The following LY75 variants were observed in gnomAD, a reference collection of about 807,000 sequenced individuals.
LY75 encodes the protein C-type lectin domain family 13 member B.
In LY75, 185 loss-of-function variants were observed where a neutral mutation model predicts 231.7. That is an observed-to-expected ratio of 0.80 (90% CI 0.71 to 0.90). The LOEUF (loss-of-function observed/expected upper bound fraction) is 0.90, where lower values mean the gene tolerates loss of function less well. Ranked by LOEUF, LY75 falls within the 40% of genes least tolerant of loss-of-function variation. The probability of loss-of-function intolerance (pLI) is 0.00; values close to 1 mark genes in which losing one functional copy is unlikely to be tolerated. For missense variants in LY75, 1,947 were observed against 2,050.2 expected, an observed-to-expected ratio of 0.95 and a Z score of 0.97; for synonymous variants, 668 against 689.0, an observed-to-expected ratio of 0.97 and a Z score of 0.48.
Position 159,826,511 on chromosome 2 carries a change from C to T in LY75, c.3958+5159G>A, listed in dbSNP as rs538128734. Among the ~76,000 whole-genome samples, 6 of 152,188 alleles carry T rather than the reference C, an allele frequency of 3.9e-5. 1 individual carries two copies. The South Asian group carries it at 8.3e-4, about 21-fold the overall frequency. Reference sequence around the variant, plus strand: ...GCTCATGGATAGGTAGAATCAATATCGTGAAAATGGCCATACTGCCCAAAG... The same window carrying T: ...GCTCATGGATAGGTAGAATCAATATTGTGAAAATGGCCATACTGCCCAAAG... On this transcript the variant is annotated intron_variant, in intron 28 of 34. Transcript: ENST00000263636.
chr2:159,855,001 T>C, intron 16 of LY75, 62 bp from the exon 17 acceptor site: 1 of 1,601,898 alleles, frequency 6.2e-7, no homozygotes, highest in African/African-American at 1.3e-5. Context: ...ATACTATAAG[T>C]ACGGCCTTTA....
rs760592336 is a variant in LY75, at chr2:159,875,604, G to C, written c.1814C>G (p.Ser605Cys). ...GTCCTTCACCTCCCACTTTCCAACA[G>C]ACTTTCCAGTAGACATAGCCACGCA... ...GGCVAMSTGKSVGKWEVKDCR... is the reference protein window; with the variant it reads ...GGCVAMSTGKCVGKWEVKDCR... Residue 605 changes from serine to cysteine, a missense_variant, in exon 12 of 35, where the codon TCT becomes TGT. Physicochemically the swap from Ser to Cys is moderately radical, Grantham distance 112. Coordinates refer to ENST00000263636, the MANE Select transcript of LY75 (RefSeq NM_002349.4). The C allele has an allele frequency of 4.3e-6, 7 of 1,613,962 alleles. No individual in the cohort carries two copies. Among genetic ancestry groups the C allele is most frequent in the Non-Finnish European group, 5.9e-6 (7 of 1,180,000 alleles).
intron 1 of LY75, among the ~76,000 whole-genome samples, chr2:159,899,490 AT>A (rs1686008309): frequency 6.6e-6 from 1 of 152,216 alleles, no homozygotes; most frequent in African/African-American, 2.4e-5. Flanking sequence ...TTTCATCTCA[AT>A]GAAAAGTCTA....
intron 16 of LY75, among the ~76,000 whole-genome samples, chr2:159,856,975 T>C (rs1452538246): frequency 1.3e-5 from 2 of 152,152 alleles, no homozygotes; most frequent in Admixed American, 6.5e-5. Context: ...GTCTGTGGAA[T>C]GCTAACAAAT....
In LY75 at chr2:159,840,774, C is replaced by G; in HGVS notation, c.3462G>C (p.Ala1154=). Residue 1154 remains alanine (A), a synonymous_variant, in exon 25 of 35, where the codon GCG becomes GCC. Coordinates refer to ENST00000263636, the MANE Select transcript of LY75 (RefSeq NM_002349.4). ...PYQQAFLSVQ[A]LLHNSSLWIG... ...TCCATAAGGAAGAGTTGTGAAGGAGCGCCTGCACACTGAGGAATGCCTGCT... is the reference window on the plus strand; with the variant it reads ...TCCATAAGGAAGAGTTGTGAAGGAGGGCCTGCACACTGAGGAATGCCTGCT... The G allele has an allele frequency of 6.2e-7, 1 of 1,613,998 alleles. No homozygotes were observed. The highest frequency in any genetic ancestry group is 8.5e-7 in the Non-Finnish European group (1 of 1,179,956).
chr2:159,881,263 G>C (rs898180414), intron 7 of LY75, 23 bp from the exon 8 acceptor site: 5 of 1,601,536 alleles, frequency 3.1e-6, no homozygotes. Flanking sequence ...TGTATTATTT[G>C]TTTGGTTTTG....
chr2:159,878,631 A>C lies in LY75; in HGVS notation c.1604+2T>G. ...TGAGTACAAGTTTACTGATGGTCAC[A>C]CCTGCTAGTGATAGTCAGATTGCAG... is the stretch of plus-strand genomic sequence containing the variant. On this transcript the variant is annotated splice_donor_variant, in intron 10 of 34. Transcript: ENST00000263636. LOFTEE classifies it high-confidence loss of function. 6.2e-7 allele frequency: 1 copy of C among 1,614,028 alleles called. No homozygotes were observed. The highest frequency in any genetic ancestry group is 8.5e-7 in the Non-Finnish European group (1 of 1,179,964).
intron 31 of LY75, among the ~76,000 whole-genome samples, chr2:159,813,123 G>T (rs1234735282): frequency 6.6e-6 from 1 of 152,170 alleles, no homozygotes; most frequent in Non-Finnish European, 1.5e-5. Flanking sequence ...GCTATGACAT[G>T]GTTGTACAAA....
rs966986488 is a variant in LY75, at chr2:159,890,305, G to A, written c.710C>T (p.Ala237Val). 6.2e-6 allele frequency: 10 copies of A among 1,613,382 alleles called. No homozygotes were observed. Among genetic ancestry groups the A allele is most frequent in the Non-Finnish European group, 6.8e-6 (8 of 1,179,686 alleles). ...AACATAAGCTTCTTTCCAAGAAAGAGCCGTCTGAGTATTAAATTGGTAGCA... is the reference window on the plus strand; with the variant it reads ...AACATAAGCTTCTTTCCAAGAAAGAACCGTCTGAGTATTAAATTGGTAGCA... ...GSCYQFNTQTALSWKEAYVSC... is the reference protein window; with the variant it reads ...GSCYQFNTQTVLSWKEAYVSC... Residue 237 changes from alanine (A) to valine (V), a missense_variant, in exon 4 of 35, where the codon GCT becomes GTT. Transcript: ENST00000263636.
intron 11 of LY75, among the ~76,000 whole-genome samples, chr2:159,876,295 C>A (rs1685265204): frequency 6.6e-6 from 1 of 152,132 alleles, no homozygotes; most frequent in African/African-American, 2.4e-5. Flanking sequence ...GGGTTGAAAC[C>A]AGATTTGTCT....
In LY75 at chr2:159,808,541, T is replaced by A. The variant is rs1682856303; in HGVS notation, c.4730A>T (p.Asp1577Val). 1 of 1,613,788 alleles carries A rather than the reference T, an allele frequency of 6.2e-7. No individual in the cohort carries two copies. The highest frequency in any genetic ancestry group is 2.2e-5 in the East Asian group (1 of 44,822). ...GCTCACAAATTTATTCTCATCTTCA[T>A]CTTTTATGGAAACGATAGTTGCAGA... ...DHSATIVSIKDEDENKFVSRL... is the reference protein window; with the variant it reads ...DHSATIVSIKVEDENKFVSRL... Residue 1577 changes from aspartate (D) to valine (V), a missense_variant, in exon 33 of 35, where the codon GAT (aspartate) becomes GTT (valine). Transcript: ENST00000263636.
chr2:159,885,192 C>A lies in LY75; in HGVS notation c.1015G>T (p.Val339Phe). The A allele has an allele frequency of 6.2e-7, 1 of 1,613,596 alleles. No homozygotes were observed. Among genetic ancestry groups the A allele is most frequent in the Non-Finnish European group, 8.5e-7 (1 of 1,179,678 alleles). ...GTATTATTTAATGGTTTCCTGCAGA[C>A]ATAGGGCAGTTGAGCTTCACAGGAA... Reference protein sequence around the residue: ...SFSCEAQLPYVCRKPLNNTVE... With the variant: ...SFSCEAQLPYFCRKPLNNTVE... The change falls in exon 6 of 35, where the codon GTC (valine) becomes TTC (phenylalanine). Residue 339 changes from valine (V) to phenylalanine (F), a missense_variant. Physicochemically the swap from Val to Phe is conservative, Grantham distance 50. Coordinates refer to ENST00000263636, the MANE Select transcript of LY75 (RefSeq NM_002349.4).
intron 32 of LY75, among the ~76,000 whole-genome samples, chr2:159,809,471 T>C (rs1682887918): frequency 6.6e-6 from 1 of 152,208 alleles, no homozygotes; most frequent in African/African-American, 2.4e-5. Flanking sequence ...AGCTTATGTA[T>C]TAATAACTAA....
In LY75 at chr2:159,904,650, C is replaced by T. The variant is rs1291098275; in HGVS notation, c.33G>A (p.Pro11=). The T allele has an allele frequency of 1.3e-6, 2 of 1,492,634 alleles. No individual in the cohort carries two copies. The highest frequency in any genetic ancestry group is 1.5e-5 in the African/African-American group (1 of 68,614). 92.5% of individuals were successfully genotyped at this position (1,492,634 alleles called of 1,614,324 possible). A position where few individuals can be genotyped will look rare whatever the true frequency, so the allele number is the denominator to read the frequency against. MRTGWATPRR[P]AGLLMLLFWF... is the part of the protein sequence containing the mutation. The stretch of plus-strand genomic sequence containing the variant: ...AGAAGAGCAGCATGAGGAGCCCCGC[C>T]GGGCGGCGAGGGGTCGCCCAGCCTG... Residue 11 remains proline, a synonymous_variant, in exon 1 of 35, where the codon CCG becomes CCA. Coordinates refer to ENST00000263636, the MANE Select transcript of LY75 (RefSeq NM_002349.4).
Position 159,864,845 on chromosome 2 carries a change from A to T in LY75, c.2193T>A (p.Arg731=). 1 of 1,598,224 alleles carries T rather than the reference A, an allele frequency of 6.3e-7. No individual in the cohort carries two copies. The highest frequency in any genetic ancestry group is 8.5e-7 in the Non-Finnish European group (1 of 1,172,732). Residue 731 remains arginine (R), a synonymous_variant, in exon 14 of 35, where the codon CGT becomes CGA. Coordinates refer to ENST00000263636, the MANE Select transcript of LY75 (RefSeq NM_002349.4). ...DLQGSWQWSD[R]TPVSTIIMPN... is the part of the protein sequence containing the mutation. ...CAATAACGTTTTAACTTACTGGTGT[A>T]CGATCACTCCATTGCCAGGATCCTT...
At chr2:159,884,324 C>T (rs1685523118) in intron 6 of LY75, among the ~76,000 whole-genome samples, 1 of 152,118 alleles carries the variant, frequency 6.6e-6, no homozygotes, top group African/African-American at 2.4e-5. Context: ...ATTAGTTTCT[C>T]TCATTTGGTG....
intron 7 of LY75, 103 bp downstream of exon 7, chr2:159,882,021 T>C: frequency 7.3e-7 from 1 of 1,362,972 alleles, no homozygotes; most frequent in South Asian, 1.4e-5. Flanking sequence ...AGGGCTGATC[T>C]GTGGGATCAA....
chr2:159,853,545 C>T, intron 19 of LY75, 85 bp downstream of exon 19: 2 of 1,582,382 alleles, frequency 1.3e-6, no homozygotes, highest in Non-Finnish European at 8.6e-7. Context: ...ATTCAAACTA[C>T]TTATAAATAG....
intron 28 of LY75, among the ~76,000 whole-genome samples, chr2:159,828,637 C>T (rs937984855): frequency 3.3e-5 from 5 of 152,008 alleles, no homozygotes; most frequent in African/African-American, 1.2e-4. Flanking sequence ...AGGGGTTTAC[C>T]CAAGAGAAAT....
Sources: allele counts gnomAD v4.1 joint callset (sites outside exome capture counted in the v4.1 genomes callset), GRCh38; gene constraint gnomAD v4.1.1; transcripts MANE v1.5; gene names NCBI Gene and HGNC (gene_info 2026-07-23, HGNC 2026-07-21).